Variants in LIMA1 observed in about 807,000 individuals in gnomAD.
LIMA1 encodes the protein LIM domain and actin-binding protein 1.
In LIMA1, 52 loss-of-function variants were observed where a neutral mutation model predicts 62.6. The observed-to-expected ratio is 0.83, with a 90% CI of 0.67 to 1.05. The LOEUF (loss-of-function observed/expected upper bound fraction) is 1.05, where lower values mean the gene tolerates loss of function less well. LIMA1 is among the 50% of genes least tolerant of loss of function. The pLI is 0.00. For synonymous variants in LIMA1, 302 were observed against 317.8 expected (o/e 0.95, Z 0.53); for missense variants, 780 against 902.2 (o/e 0.86, Z 1.74).
At chr12:50,228,954 T>A (rs949129401) in intron 3 of LIMA1, among the ~76,000 whole-genome samples, 16 of 152,316 alleles carry the variant, frequency 1.1e-4, no homozygotes, top group African/African-American at 3.6e-4. Context: ...ACTCCTGACC[T>A]CAAGTGATCC....
chr12:50,183,795 A>G (rs1940562503), intron 9 of LIMA1, among the ~76,000 whole-genome samples: 1 of 113,490 alleles, frequency 8.8e-6, no homozygotes, highest in Non-Finnish European at 1.6e-5. Flanking sequence ...TGGGCAACAG[A>G]GTGAGACTTG....
chr12:50,206,067 A>G lies in LIMA1; in HGVS notation c.632T>C (p.Ile211Thr). 6.2e-7 allele frequency: 1 copy of G among 1,611,450 alleles called. No homozygotes were observed. The highest frequency in any genetic ancestry group is 8.5e-7 in the Non-Finnish European group (1 of 1,178,268). Residue 211 changes from isoleucine (I) to threonine (T), a missense_variant and splice_region_variant, in exon 5 of 11, where the codon ATT becomes ACT. By Grantham distance (89) the Ile-to-Thr change is moderately conservative. Coordinates refer to ENST00000341247, the MANE Select transcript of LIMA1 (RefSeq NM_016357.5). ...TGCACTTCGGCTTTGGGCCCGGAGAATCTGGAAAACGAAACCCAACGATAA... is the reference window on the plus strand; with the variant it reads ...TGCACTTCGGCTTTGGGCCCGGAGAGTCTGGAAAACGAAACCCAACGATAA... The part of the protein sequence containing the change: ...FEKGEPTQTK[I>T]LRAQSRSASG...
At chr12:50,273,412 G>C (rs1942239370) in intron 1 of LIMA1, among the ~76,000 whole-genome samples, 1 of 152,136 alleles carries the variant, frequency 6.6e-6, no homozygotes, top group Non-Finnish European at 1.5e-5. Context: ...CTGTCTTTGG[G>C]CCTCAATTTC....
At chr12:50,222,674 AAG>A (rs1432109077) in intron 3 of LIMA1, 189 bp from the exon 4 acceptor site, 1 of 1,505,960 alleles carries the variant, frequency 6.6e-7, no homozygotes, top group Non-Finnish European at 8.8e-7. Flanking sequence ...GGGAGAGGGG[AAG>A]AGAGAAAAAC....
intron 7 of LIMA1, among the ~76,000 whole-genome samples, chr12:50,198,709 T>C (rs10506291): frequency 0.026 from 3,908 of 152,298 alleles, 75 homozygotes; most frequent in Non-Finnish European, 0.039. Context: ...ATCACTGTAA[T>C]AGATTTGAAA....
intron 3 of LIMA1, among the ~76,000 whole-genome samples, chr12:50,226,946 C>A (rs75832755): frequency 0.018 from 2,619 of 147,938 alleles, 82 homozygotes; most frequent in African/African-American, 0.061. Context: ...CCTCCTCTGT[C>A]CCTCCCTTAT....
chr12:50,265,954 T>G (rs1378329124), intron 1 of LIMA1, among the ~76,000 whole-genome samples: 1 of 152,130 alleles, frequency 6.6e-6, no homozygotes, highest in African/African-American at 2.4e-5. Flanking sequence ...TCTGCAGGTC[T>G]CAACAAGCCT....
chr12:50,222,813 GA>G (rs760759868), intron 3 of LIMA1: 6 of 669,930 alleles, frequency 9.0e-6, no homozygotes, highest in Non-Finnish European at 4.0e-6. Context: ...GATTAATGGG[GA>G]AAAAAACAAG....
At chr12:50,198,691 A>G (rs1185830285) in intron 7 of LIMA1, among the ~76,000 whole-genome samples, 1 of 152,208 alleles carries the variant, frequency 6.6e-6, no homozygotes, top group African/African-American at 2.4e-5. Flanking sequence ...CTTTTCTCCT[A>G]AGATTAAATC....
At chr12:50,193,542 T>TAC (rs1259429554) in intron 8 of LIMA1, among the ~76,000 whole-genome samples, 1 of 138,142 alleles carries the variant, frequency 7.2e-6, no homozygotes, top group East Asian at 2.0e-4. Flanking sequence ...ATGATATATA[T>TAC]ATACATATAT....
At chr12:50,282,297 AT>A (rs1265708213) in intron 1 of LIMA1, among the ~76,000 whole-genome samples, 1 of 152,162 alleles carries the variant, frequency 6.6e-6, no homozygotes, top group Middle Eastern at 3.2e-3. Context: ...AATATTTAGC[AT>A]TTGTGAATAG....
At chr12:50,192,797 C>T (rs563886060) in intron 8 of LIMA1, among the ~76,000 whole-genome samples, 2 of 152,174 alleles carry the variant, frequency 1.3e-5, no homozygotes, top group African/African-American at 2.4e-5. Context: ...CTCTGCCACA[C>T]GTAGCAGAAA....
At chr12:50,261,972 G>T (rs1378852411) in intron 1 of LIMA1, among the ~76,000 whole-genome samples, 1 of 152,178 alleles carries the variant, frequency 6.6e-6, no homozygotes, top group Non-Finnish European at 1.5e-5. Context: ...TATTTTTAGA[G>T]ACTAGTGTTT....
intron 9 of LIMA1, among the ~76,000 whole-genome samples, chr12:50,192,233 TGA>T (rs1940792566): frequency 6.6e-6 from 1 of 152,042 alleles, no homozygotes; most frequent in African/African-American, 2.4e-5. Context: ...GAGTTCAAAC[TGA>T]GAGTCATTAG....
chr12:50,221,692 C>T (rs1327416671), intron 4 of LIMA1, among the ~76,000 whole-genome samples: 4 of 152,150 alleles, frequency 2.6e-5, no homozygotes, highest in African/African-American at 9.7e-5. Context: ...ATTCCACCCC[C>T]AAAGCTACAA....
At position 50,250,952 on chromosome 12, in the gene LIMA1, T is replaced by C. The variant is rs1779805439; in HGVS notation, c.-23-2178A>G. On this transcript the variant is annotated intron_variant, in intron 1 of 10. Transcript: ENST00000341247. Reference sequence around the variant, plus strand: ...AAGCAATAAATGTTACTGTTTAGTGTTTTTAATGTTTTCTTTTCTTCCTGA... The same window carrying C: ...AAGCAATAAATGTTACTGTTTAGTGCTTTTAATGTTTTCTTTTCTTCCTGA... Among the ~76,000 whole-genome samples the C allele has an allele frequency of 2.0e-5, 3 of 152,196 alleles. No individual in the cohort carries two copies. The South Asian group carries it at 6.2e-4, about 31-fold the overall frequency.
In LIMA1 at chr12:50,177,455, A is replaced by G. The variant is rs1940370786; in HGVS notation, c.1889T>C (p.Val630Ala). ...EQSEESVGGR[V>A]AERKQVENAK... ...ATTTTCCACTTGTTTCCTTTCTGCA[A>G]CTCTTCCACCCACAGACTCTTCACT... Residue 630 changes from valine to alanine, a missense_variant, in exon 11 of 11, where the codon GTT (valine) becomes GCT (alanine). By Grantham distance (64) the Val-to-Ala change is moderately conservative. Transcript: ENST00000341247. 1 of 1,613,356 alleles carries G rather than the reference A, an allele frequency of 6.2e-7. No individual in the cohort carries two copies. Among genetic ancestry groups the G allele is most frequent in the African/African-American group, 1.3e-5 (1 of 74,688 alleles).
chr12:50,243,157 T>C (rs17124562), intron 2 of LIMA1, among the ~76,000 whole-genome samples: 48,883 of 152,110 alleles, frequency 0.32, 8,142 homozygotes, highest in South Asian at 0.48. Flanking sequence ...TAAAGGACCA[T>C]GGGACACAAG....
At position 50,195,891 on chromosome 12, in the gene LIMA1, C is replaced by CAAAAAAAAAAAAA; in HGVS notation, c.973-17_973-5dup. 2.7e-6 allele frequency: 3 copies of CAAAAAAAAAAAAA among 1,093,454 alleles called. No individual in the cohort carries two copies. Among genetic ancestry groups the CAAAAAAAAAAAAA allele is most frequent in the Non-Finnish European group, 3.4e-6 (3 of 873,306 alleles). 67.7% of individuals were successfully genotyped at this position (1,093,454 alleles called of 1,614,324 possible). On this transcript the variant is annotated splice_polypyrimidine_tract_variant and splice_region_variant and intron_variant, in intron 7 of 10. Coordinates refer to ENST00000341247, the MANE Select transcript of LIMA1 (RefSeq NM_016357.5). ...GGCTATTCTCATTTGCAGAAATCTACAAAAAAAAAAAAAAAAAAAAAGTTA... is the reference window on the plus strand; with the variant it reads ...GGCTATTCTCATTTGCAGAAATCTACAAAAAAAAAAAAAAAAAAAAAAAAAAAAAAAAAAGTTA...
Sources: gnomAD v4.1 joint callset for allele counts (sites outside exome capture counted in the v4.1 genomes callset) on GRCh38, gnomAD v4.1.1 for gene constraint, MANE v1.5 for transcripts, NCBI Gene and HGNC (gene_info 2026-07-23, HGNC 2026-07-21) for gene names.